FGD5: variants seen among roughly 807,000 people sequenced by gnomAD.
FGD5 encodes FYVE, RhoGEF and PH domain containing 5, also known as FYVE, RhoGEF and PH domain-containing protein 5.
A neutral mutation model predicts 133.4 loss-of-function variants in FGD5; 28 were observed. The ratio of observed to expected loss-of-function variants is 0.21; its 90% CI spans 0.16 to 0.29. The LOEUF (loss-of-function observed/expected upper bound fraction) is 0.29, where lower values mean the gene tolerates loss of function less well. FGD5 is among the 10% of genes least tolerant of loss of function. The pLI, the probability that FGD5 is intolerant of heterozygous loss-of-function variation, is 1.00. For synonymous variants in FGD5, 810 were observed against 776.5 expected (o/e 1.04, Z -0.72); for missense variants, 1,858 against 1,895.2 (o/e 0.98, Z 0.36).
intron 2 of FGD5, among the ~76,000 whole-genome samples, chr3:14,870,685 C>A (rs1048346371): frequency 1.3e-5 from 2 of 152,212 alleles, no homozygotes; most frequent in Admixed American, 6.5e-5. Flanking sequence ...GCCAGCCCTA[C>A]GCAGGTGGCA....
In FGD5 at chr3:14,826,308, T is replaced by G. The variant is rs764517216; in HGVS notation, c.2525+4712T>G. Among the ~76,000 whole-genome samples, 48 of 151,930 alleles carry G rather than the reference T, an allele frequency of 3.2e-4. 2 individuals carry two copies. The highest frequency in any genetic ancestry group is 2.6e-4 in the Admixed American group (4 of 15,262). On this transcript the variant is annotated intron_variant, in intron 1 of 19. Coordinates refer to ENST00000285046, the MANE Select transcript of FGD5 (RefSeq NM_152536.4). ...CTCTCTCCCTCTCCTCTTCTTCCCC[T>G]CTTCTCCTCTGCCCCTCTCCCCACT...
At chr3:14,899,827 T>C (rs1308929030) in intron 7 of FGD5, among the ~76,000 whole-genome samples, 2 of 152,200 alleles carry the variant, frequency 1.3e-5, no homozygotes, top group Non-Finnish European at 2.9e-5. Context: ...AAGACCTCTC[T>C]GAGGAGGCGG....
chr3:14,820,772 G>T lies in FGD5; in HGVS notation c.1701G>T (p.Glu567Asp). The change falls in exon 1 of 20, where the codon GAG becomes GAT. Residue 567 changes from glutamate (E) to aspartate (D), a missense_variant. Physicochemically the swap from Glu to Asp is conservative, Grantham distance 45. Coordinates refer to ENST00000285046, the MANE Select transcript of FGD5 (RefSeq NM_152536.4). ...EIPVSVYQEP[E>D]GSGLDDHRIK... ...CAGTGTCCGTGTACCAGGAGCCTGA[G>T]GGGTCAGGGTTGGATGACCACAGGA... The T allele has an allele frequency of 6.2e-7, 1 of 1,613,492 alleles. No homozygotes were observed. Among genetic ancestry groups the T allele is most frequent in the Non-Finnish European group, 8.5e-7 (1 of 1,179,736 alleles).
chr3:14,877,660 C>T (rs1008903889), intron 2 of FGD5, among the ~76,000 whole-genome samples: 5 of 152,128 alleles, frequency 3.3e-5, no homozygotes, highest in African/African-American at 1.2e-4. Context: ...CCATTGTGGC[C>T]ACGTTCTGAG....
intron 1 of FGD5, among the ~76,000 whole-genome samples, chr3:14,861,678 C>T (rs1198218037): frequency 3.9e-5 from 6 of 152,196 alleles, no homozygotes; most frequent in Admixed American, 3.9e-4. Context: ...GGAAACCACC[C>T]CCTGCTTGGC....
rs762005263 is a variant in FGD5, at chr3:14,820,843, C to T, written c.1772C>T (p.Ser591Phe). 9.3e-6 allele frequency: 15 copies of T among 1,613,652 alleles called. No individual in the cohort carries two copies. The highest frequency in any genetic ancestry group is 5.0e-5 in the Admixed American group (3 of 59,990). The change falls in exon 1 of 20, where the codon TCC becomes TTC. Residue 591 changes from serine to phenylalanine, a missense_variant. Physicochemically the swap from Ser to Phe is radical, Grantham distance 155. Coordinates refer to ENST00000285046, the MANE Select transcript of FGD5 (RefSeq NM_152536.4). ...CTCTCTCTGTCGTGTGTAATTGGCT[C>T]CTCTGGGAGTTTCTCCCAGAGAAAC... ...DNLSLSCVIGSSGSFSQRNHL... is the reference protein window; with the variant it reads ...DNLSLSCVIGFSGSFSQRNHL...
Position 14,821,176 on chromosome 3 carries a change from A to C in FGD5, c.2105A>C (p.Asn702Thr). 6.2e-7 allele frequency: 1 copy of C among 1,613,330 alleles called. No homozygotes were observed. ...GAAGTTGACCGGAGAAGCCTCAGCA[A>C]CTCCCCTCAGCTTAAGTCTCGGACT... ...ILEVDRRSLS[N>T]SPQLKSRTGK... The change falls in exon 1 of 20, where the codon AAC becomes ACC. Residue 702 changes from asparagine (N) to threonine (T), a missense_variant. Asn to Thr is a moderately conservative substitution (Grantham distance 65, BLOSUM62 0). Around this residue, in one of 3 missense-constraint regions of FGD5, gnomAD observed 1,824 missense variants for 1,848.9 expected, o/e 0.99. Coordinates refer to ENST00000285046, the MANE Select transcript of FGD5 (RefSeq NM_152536.4).
chr3:14,810,916 G>A (rs2036282207), intron 1 of FGD5: 2 of 984,906 alleles, frequency 2.0e-6, no homozygotes, highest in South Asian at 9.4e-5. Flanking sequence ...GAGGGACCCC[G>A]GCCGGGCGCT....
chr3:14,876,034 G>A (rs1325115371), intron 2 of FGD5, among the ~76,000 whole-genome samples: 1 of 152,192 alleles, frequency 6.6e-6, no homozygotes, highest in Non-Finnish European at 1.5e-5. Flanking sequence ...GGCCGAGCAG[G>A]TGTGGACCCA....
intron 19 of FGD5, 74 bp from the exon 20 acceptor site, chr3:14,933,057 T>A: frequency 3.9e-6 from 6 of 1,527,000 alleles, no homozygotes; most frequent in Non-Finnish European, 5.4e-6. Context: ...ACTAGTCCAG[T>A]CTTTTCTAGG....
intron 13 of FGD5, 105 bp downstream of exon 13, chr3:14,918,938 G>T: frequency 8.2e-7 from 1 of 1,222,324 alleles, no homozygotes. Context: ...GTATCCTTCT[G>T]GGTCAAAGTA....
chr3:14,825,409 A>T (rs1265583464), intron 1 of FGD5, among the ~76,000 whole-genome samples: 1 of 152,122 alleles, frequency 6.6e-6, no homozygotes, highest in Non-Finnish European at 1.5e-5. Context: ...GTTTGAGACC[A>T]GCCTAGACAA....
upstream of FGD5, among the ~76,000 whole-genome samples, chr3:14,816,718 G>C (rs1260838181): frequency 2.6e-5 from 4 of 152,174 alleles, no homozygotes; most frequent in Non-Finnish European, 5.9e-5. Context: ...TTCTAAACTA[G>C]GACACACGTG....
upstream of FGD5, among the ~76,000 whole-genome samples, chr3:14,817,759 G>T (rs113535628): frequency 1.3e-5 from 2 of 152,192 alleles, no homozygotes; most frequent in Non-Finnish European, 2.9e-5. Flanking sequence ...AGTGGGAATG[G>T]AGCTGGGAGA....
chr3:14,857,930 T>TG (rs1303866720), intron 1 of FGD5, among the ~76,000 whole-genome samples: 1 of 150,222 alleles, frequency 6.7e-6, no homozygotes, highest in African/African-American at 2.4e-5. Context: ...TAGATGAAAC[T>TG]GGAAAAAAAA....
intron 2 of FGD5, among the ~76,000 whole-genome samples, chr3:14,876,917 G>A (rs2037731214): frequency 6.6e-6 from 1 of 152,196 alleles, no homozygotes; most frequent in African/African-American, 2.4e-5. Context: ...GACCCCTCCC[G>A]ACCTGCCCGG....
intron 1 of FGD5, among the ~76,000 whole-genome samples, chr3:14,832,181 A>G (rs1329292100): frequency 6.6e-6 from 1 of 152,202 alleles, no homozygotes; most frequent in Non-Finnish European, 1.5e-5. Flanking sequence ...GATAATGCAG[A>G]CACCAGGGCT....
chr3:14,869,486 G>A (rs1191328455), intron 2 of FGD5, among the ~76,000 whole-genome samples: 2 of 152,138 alleles, frequency 1.3e-5, no homozygotes, highest in Non-Finnish European at 2.9e-5. Flanking sequence ...AGTGTGCAGT[G>A]CAGTAGCATG....
chr3:14,907,840 C>A, intron 10 of FGD5, 129 bp downstream of exon 10: 1 of 912,492 alleles, frequency 1.1e-6, no homozygotes, highest in Non-Finnish European at 1.6e-6. Context: ...GGCAGGCAGG[C>A]GGGTGGGCGT....
Sources: gnomAD v4.1 joint callset for allele counts (sites outside exome capture counted in the v4.1 genomes callset) on GRCh38, gnomAD v4.1.1 for gene constraint, gnomAD v4.1.1 regional missense constraint, MANE v1.5 for transcripts, NCBI Gene and HGNC (gene_info 2026-07-23, HGNC 2026-07-21) for gene names.